TAPBPL: variants seen among roughly 807,000 people sequenced by gnomAD.
The protein encoded by TAPBPL is tapasin-related protein.
Under a neutral mutation model 44.8 loss-of-function variants are expected in TAPBPL, and 32 were observed. That is an observed-to-expected ratio of 0.71 (90% CI 0.54 to 0.96). The LOEUF (loss-of-function observed/expected upper bound fraction) is 0.96. TAPBPL is among the 40% of genes least tolerant of loss of function. The probability of loss-of-function intolerance (pLI) is 0.00; values close to 1 mark genes in which losing one functional copy is unlikely to be tolerated. For missense variants in TAPBPL, 520 were observed against 586.6 expected (o/e 0.89, Z 1.17); for synonymous variants, 230 against 240.7 (o/e 0.96, Z 0.41).
At chr12:6,452,955 T>C in intron 1 of TAPBPL, 112 bp from the exon 2 acceptor site, 1 of 1,144,056 alleles carries the variant, frequency 8.7e-7, no homozygotes, top group Non-Finnish European at 1.2e-6. Context: ...GCTAGGATCT[T>C]GGATGGCAAC....
At chr12:6,462,694 A>G (rs923403191), downstream of TAPBPL, 32 of 942,522 alleles carry the variant, frequency 3.4e-5, no homozygotes, top group Non-Finnish European at 4.6e-5. Flanking sequence ...GATTCGCTCC[A>G]GGCTTGGGAC....
At chr12:6,471,186 A>G (rs1945767235), downstream of TAPBPL, among the ~76,000 whole-genome samples, 1 of 152,178 alleles carries the variant, frequency 6.6e-6, no homozygotes, top group Non-Finnish European at 1.5e-5. This position sits in a 1 kb window ranked among gnomAD's most constrained non-coding sequence, Gnocchi z 4.0. Flanking sequence ...CTCGAGACAC[A>G]GCCACAAGCT....
At chr12:6,459,746 T>C (rs912797830) in intron 5 of TAPBPL, among the ~76,000 whole-genome samples, 2 of 144,498 alleles carry the variant, frequency 1.4e-5, no homozygotes, top group African/African-American at 2.8e-5. Flanking sequence ...ATTTATTTAT[T>C]TATTTATTTA....
downstream of TAPBPL, among the ~76,000 whole-genome samples, chr12:6,469,166 CA>C (rs1945705975): frequency 1.3e-5 from 2 of 152,142 alleles, no homozygotes; most frequent in Admixed American, 1.3e-4. Context: ...GGAGGTAAAG[CA>C]AAGATAGACA....
At chr12:6,452,604 G>A (rs556160151) in intron 1 of TAPBPL, 8 of 1,329,622 alleles carry the variant, frequency 6.0e-6, no homozygotes, top group East Asian at 6.4e-5. Context: ...CTTCAGAAGA[G>A]GAAAGGACTC....
chr12:6,467,198 G>C (rs563557539), downstream of TAPBPL: 1 of 162,772 alleles, frequency 6.1e-6, no homozygotes, highest in South Asian at 1.9e-4. Flanking sequence ...GGTACCAGTA[G>C]AGTGGGGTGT....
At chr12:6,452,717 G>A in intron 1 of TAPBPL, 8 of 742,626 alleles carry the variant, frequency 1.1e-5, no homozygotes, top group Non-Finnish European at 1.6e-5. Context: ...CCCAGCAACA[G>A]TAACTGTCCA....
chr12:6,466,335 G>A (rs773396496), downstream of TAPBPL: 50 of 1,613,682 alleles, frequency 3.1e-5, 1 homozygote, highest in South Asian at 5.2e-4. Context: ...TCAGCAGGTG[G>A]CTGAGCTGGA....
chr12:6,470,237 G>A (rs1945736640), downstream of TAPBPL, among the ~76,000 whole-genome samples: 1 of 151,736 alleles, frequency 6.6e-6, no homozygotes, highest in Non-Finnish European at 1.5e-5. Context: ...CCCTCTCCGA[G>A]TCTCCACTAT....
chr12:6,452,496 T>G (rs1592126454), intron 1 of TAPBPL, 184 bp downstream of exon 1: 150 of 1,366,814 alleles, frequency 1.1e-4, no homozygotes, highest in Middle Eastern at 5.6e-4. Flanking sequence ...GGAGGGAGGG[T>G]GGGGACTCCA....
Position 6,462,160 on chromosome 12 carries a change from CAT to C in TAPBPL, c.*12_*13del. 1 of 1,576,434 alleles carries C rather than the reference CAT, an allele frequency of 6.3e-7. No homozygotes were observed. The highest frequency in any genetic ancestry group is 2.3e-5 in the East Asian group (1 of 43,872). ...AGCCAGCCCAGCTGACCTAAAGCGA[CAT>C]GAGACTACTAGAAAGAAACGACACC... On this transcript the variant is annotated 3_prime_UTR_variant, in exon 7 of 7. Coordinates refer to ENST00000266556, the MANE Select transcript of TAPBPL (RefSeq NM_018009.5).
chr12:6,453,385 T>G lies in TAPBPL; in HGVS notation c.296-62T>G, dbSNP rs1254998492. On this transcript the variant is annotated intron_variant, in intron 2 of 6. Transcript: ENST00000266556. This position sits in a 1 kb window ranked among gnomAD's most constrained non-coding sequence, Gnocchi z 4.8. ...CCCGATTACAGCCACACATACTGCC[T>G]CCCGTTGGCCCTGGTGTTCTCACGC... 6.2e-7 allele frequency: 1 copy of G among 1,608,284 alleles called. No individual in the cohort carries two copies. The highest frequency in any genetic ancestry group is 8.5e-7 in the Non-Finnish European group (1 of 1,176,560).
At position 6,453,508 on chromosome 12, in the gene TAPBPL, G is replaced by A. The variant is rs749803777; in HGVS notation, c.357G>A (p.Glu119=). The change falls in exon 3 of 7, where the codon GAG becomes GAA. Residue 119 remains glutamate (E), a synonymous_variant. Transcript: ENST00000266556. The surrounding 1 kb of genome is among the most constrained non-coding windows in gnomAD (Gnocchi z 4.8). ...ALLHADCSGK[E]VTCEISRYFL... is the part of the protein sequence containing the mutation. ...TCCATGCTGACTGCAGTGGGAAGGA[G>A]GTGACCTGTGAGATCTCCCGCTACT... 1.2e-6 allele frequency: 2 copies of A among 1,614,190 alleles called. No homozygotes were observed. The highest frequency in any genetic ancestry group is 8.5e-7 in the Non-Finnish European group (1 of 1,180,028).
Position 6,452,271 on chromosome 12 carries a change from G to A in TAPBPL, c.23G>A (p.Cys8Tyr), listed in dbSNP as rs779077807. The stretch of plus-strand genomic sequence containing the variant: ...TCCATGGGCACACAGGAGGGCTGGT[G>A]CCTGCTGCTCTGCCTGGCTCTATCT... The part of the protein sequence containing the change: MGTQEGW[C>Y]LLLCLALSGA... Residue 8 changes from cysteine to tyrosine, a missense_variant, in exon 1 of 7, where the codon TGC becomes TAC. Transcript: ENST00000266556. The A allele has an allele frequency of 1.9e-6, 3 of 1,574,562 alleles. No homozygotes were observed. Among genetic ancestry groups the A allele is most frequent in the South Asian group, 2.3e-5 (2 of 85,606 alleles).
chr12:6,452,297 GGAGCAGCAGA>G lies in TAPBPL; in HGVS notation c.50_59del (p.Gly17GlufsTer18). On this transcript the variant is annotated frameshift_variant, in exon 1 of 7. Transcript: ENST00000266556. LOFTEE classifies it high-confidence loss of function. ...CCTGCTGCTCTGCCTGGCTCTATCT[GGAGCAGCAGA>G]AACCAGTGAGTCTGGGAGTCGGGGA... The G allele has an allele frequency of 1.3e-6, 2 of 1,575,432 alleles. No individual in the cohort carries two copies. The highest frequency in any genetic ancestry group is 1.7e-6 in the Non-Finnish European group (2 of 1,161,082).
At position 6,453,829 on chromosome 12, in the gene TAPBPL, T is replaced by A; in HGVS notation, c.565+113T>A. On this transcript the variant is annotated intron_variant, in intron 3 of 6. Coordinates refer to ENST00000266556, the MANE Select transcript of TAPBPL (RefSeq NM_018009.5). This position sits in a 1 kb window ranked among gnomAD's most constrained non-coding sequence, Gnocchi z 4.8. ...GGTCAGGAGTTTGAGATCAGCCTGG[T>A]CAACACGGTGAAACCCCGTCTCTAC... is the stretch of plus-strand genomic sequence containing the variant. The A allele has an allele frequency of 1.5e-6, 2 of 1,343,150 alleles. No homozygotes were observed. The highest frequency in any genetic ancestry group is 2.0e-6 in the Non-Finnish European group (2 of 1,016,784). The allele number at this position is 1,343,150 out of a possible 1,614,324, so 83.2% of individuals were successfully genotyped here.
At chr12:6,464,529 A>G, downstream of TAPBPL, 1 of 1,475,160 alleles carries the variant, frequency 6.8e-7, no homozygotes. Flanking sequence ...AAAGAGAAAG[A>G]GACAGGAGAA....
chr12:6,462,824 C>T (rs974452309), downstream of TAPBPL: 5 of 1,604,688 alleles, frequency 3.1e-6, no homozygotes, highest in South Asian at 4.5e-5. Context: ...CTGCTTTCTT[C>T]CAGCTCTTCA....
Position 6,453,306 on chromosome 12 carries a change from C to G in TAPBPL, c.295+9C>G. On this transcript the variant is annotated intron_variant, in intron 2 of 6. Coordinates refer to ENST00000266556, the MANE Select transcript of TAPBPL (RefSeq NM_018009.5). This position sits in a 1 kb window ranked among gnomAD's most constrained non-coding sequence, Gnocchi z 4.8. ...TATCTTTGAGGCCTCAGGTAAAAGC[C>G]TTCCACCTGTGTCCTTGGTCCTCCC... is the stretch of plus-strand genomic sequence containing the variant. The G allele has an allele frequency of 6.2e-7, 1 of 1,613,422 alleles. No homozygotes were observed. Among genetic ancestry groups the G allele is most frequent in the South Asian group, 1.1e-5 (1 of 90,962 alleles).
Sources: allele counts gnomAD v4.1 joint callset (sites outside exome capture counted in the v4.1 genomes callset), GRCh38; gene constraint gnomAD v4.1.1; non-coding constraint Gnocchi (gnomAD v3.1); transcripts MANE v1.5; gene names NCBI Gene and HGNC (gene_info 2026-07-23, HGNC 2026-07-21).